ITIH6: variants seen among roughly 807,000 people sequenced by gnomAD.
ITIH6 encodes inter-alpha-trypsin inhibitor heavy chain H6.
ITIH6 carries 60 observed loss-of-function variants against 58.2 expected under a neutral mutation model. The ratio of observed to expected loss-of-function variants is 1.03; its 90% CI spans 0.84 to 1.28. ITIH6 has a LOEUF of 1.28. Ranked by LOEUF, ITIH6 falls within the 50% of genes most tolerant of loss-of-function variation. The pLI, the probability that ITIH6 is intolerant of heterozygous loss-of-function variation, is 0.00. For missense variants in ITIH6, 1,290 were observed against 1,021.1 expected, an observed-to-expected ratio of 1.26 and a Z score of -3.59; for synonymous variants, 493 against 417.4, an observed-to-expected ratio of 1.18 and a Z score of -2.21.
At chrX:54,786,110 C>T in intron 5 of ITIH6, among the ~76,000 whole-genome samples, 1 of 112,131 alleles carries the variant, frequency 8.9e-6, no homozygotes, top group Non-Finnish European at 1.9e-5. Flanking sequence ...CCCCACGTGG[C>T]CCTTTTATGC....
At position 54,749,956 on chromosome X, in the gene ITIH6, A is replaced by T. The variant is rs1370000075; in HGVS notation, c.3881T>A (p.Leu1294Gln). Residue 1294 changes from leucine (L) to glutamine (Q), a missense_variant, in exon 13 of 13, where the codon CTG (leucine) becomes CAG (glutamine). Leu to Gln is a moderately radical substitution (Grantham distance 113). Coordinates refer to ENST00000218436, the MANE Select transcript of ITIH6 (RefSeq NM_198510.3). ...RLLPRWASCWLVKRSHVELLL... is the reference protein window; with the variant it reads ...RLLPRWASCWQVKRSHVELLL... ...CAGCTCTACATGAGAGCGCTTCACC[A>T]GCCAGCAGGAAGCCCAGCGGGGCAG... is the stretch of plus-strand genomic sequence containing the variant. 1.7e-6 allele frequency: 2 copies of T among 1,210,008 alleles called. No individual in the cohort carries two copies. Among genetic ancestry groups the T allele is most frequent in the Non-Finnish European group, 2.2e-6 (2 of 895,225 alleles).
chrX:54,782,437 T>A (rs1005527448), intron 5 of ITIH6, among the ~76,000 whole-genome samples: 10 of 110,537 alleles, frequency 9.0e-5, no homozygotes, highest in African/African-American at 3.3e-4. Context: ...TAATAATAAT[T>A]AAATAAAAAT....
rs144721649 is a variant in ITIH6, at chrX:54,774,183, A to C, written c.801T>G (p.Tyr267Ter). Residue 267 changes from tyrosine (Y) to a stop codon, truncating the protein, a stop_gained, in exon 6 of 13, where the codon TAT becomes TAG. Coordinates refer to ENST00000218436, the MANE Select transcript of ITIH6 (RefSeq NM_198510.3). LOFTEE classifies it high-confidence loss of function. ...IIGDVQIYDDYFIHYFAPRGL... is the reference protein window; with the variant it reads ...IIGDVQIYDD ...CTCTGGGGGCAAAGTAGTGAATGAA[A>C]TAGTCATCGTAAATCTGGACCAAAA... is the stretch of plus-strand genomic sequence containing the variant. 42 of 1,073,873 alleles carry C rather than the reference A, an allele frequency of 3.9e-5. 1 individual carries two copies. In the African/African-American group the frequency reaches 7.6e-4, roughly 19 times the overall value. The allele number at this position is 1,073,873 out of a possible 1,213,427, so 88.5% of individuals were successfully genotyped here.
chrX:54,761,883 C>T (rs1224611273), intron 6 of ITIH6, among the ~76,000 whole-genome samples: 1 of 111,781 alleles, frequency 8.9e-6, no homozygotes, highest in East Asian at 2.8e-4. Flanking sequence ...ATGCCTTCAG[C>T]TTTGTTCTTT....
chrX:54,750,886 G>A (rs1028406690), intron 12 of ITIH6, 117 bp downstream of exon 12: 134 of 775,037 alleles, frequency 1.7e-4, no homozygotes, highest in Non-Finnish European at 2.3e-4. Flanking sequence ...AGCTCCCCAA[G>A]GGAAGAGTCT....
At chrX:54,759,670 G>A in intron 7 of ITIH6, 86 bp downstream of exon 7, 1 of 740,936 alleles carries the variant, frequency 1.3e-6, no homozygotes, top group Non-Finnish European at 2.0e-6. Context: ...TGAGAGTTGA[G>A]GAGGATGGGG....
rs769059777 is a variant in ITIH6 at position 54,797,001 on chromosome X, G to A, written c.198C>T (p.Ala66=). 39 of 1,209,351 alleles carry A rather than the reference G, an allele frequency of 3.2e-5. No homozygotes were observed. The South Asian group carries it at 6.9e-4, about 21-fold the overall frequency. Residue 66 remains alanine, a synonymous_variant, in exon 2 of 13, where the codon GCC becomes GCT. Coordinates refer to ENST00000218436, the MANE Select transcript of ITIH6 (RefSeq NM_198510.3). The part of the protein sequence containing the change: ...TSVLFNPHAE[A]HEAIFDLDLP... The stretch of plus-strand genomic sequence containing the variant: ...GATCCAGGTCAAAGATGGCTTCATG[G>A]GCTTCAGCATGTGGATTAAACAGGA...
At chrX:54,764,697 G>A (rs1402732989) in intron 6 of ITIH6, among the ~76,000 whole-genome samples, 1 of 93,563 alleles carries the variant, frequency 1.1e-5, no homozygotes, top group Non-Finnish European at 2.1e-5. Flanking sequence ...CTTTGCTATT[G>A]TGAATAATGC....
chrX:54,750,987 C>A lies in ITIH6; in HGVS notation c.3730+16G>T, dbSNP rs1372463800. 8.9e-7 allele frequency: 1 copy of A among 1,128,872 alleles called. No homozygotes were observed. Among genetic ancestry groups the A allele is most frequent in the Admixed American group, 3.0e-5 (1 of 33,131 alleles). The allele number at this position is 1,128,872 out of a possible 1,213,427, so 93.0% of individuals were successfully genotyped here. A position where few individuals can be genotyped will look rare whatever the true frequency, so the allele number is the denominator to read the frequency against. On this transcript the variant is annotated intron_variant, in intron 12 of 12. Transcript: ENST00000218436. Reference sequence around the variant, plus strand: ...GCTGGTGCTCCCTGGCCCCTCTCAGCCTCAGCTGCACTTACCTATCAGGCC... The same window carrying A: ...GCTGGTGCTCCCTGGCCCCTCTCAGACTCAGCTGCACTTACCTATCAGGCC...
In ITIH6 at chrX:54,758,966, C is replaced by A; in HGVS notation, c.1108G>T (p.Ala370Ser). The change falls in exon 8 of 13, where the codon GCT becomes TCT. Residue 370 changes from alanine to serine, a missense_variant. By Grantham distance (99) the Ala-to-Ser change is moderately conservative (BLOSUM62 1). Transcript: ENST00000218436. Reference protein sequence around the residue: ...TDVNSALLAAASVLNHSNQEP... With the variant: ...TDVNSALLAASSVLNHSNQEP... ...TGGTTGCTATGGTTCAGCACTGAAG[C>A]AGCTGCCAGCAGAGCTGAGTTGACG... The A allele has an allele frequency of 2.5e-6, 3 of 1,177,218 alleles. 1 individual carries two copies. The South Asian group carries it at 5.8e-5, about 23-fold the overall frequency.
chrX:54,755,514 G>A (rs1039528159), intron 8 of ITIH6, among the ~76,000 whole-genome samples: 3 of 111,273 alleles, frequency 2.7e-5, no homozygotes, highest in African/African-American at 9.8e-5. Context: ...GAGTTAAACA[G>A]AGACCTGAAG....
At position 54,757,004 on chromosome X, in the gene ITIH6, G is replaced by C. The variant is rs1602050867; in HGVS notation, c.3070C>G (p.Pro1024Ala). The C allele has an allele frequency of 8.3e-7, 1 of 1,202,272 alleles. No homozygotes were observed. The highest frequency in any genetic ancestry group is 3.0e-5 in the East Asian group (1 of 33,679). The change falls in exon 8 of 13, where the codon CCA becomes GCA. Residue 1024 changes from proline (P) to alanine (A), a missense_variant. Physicochemically the swap from Pro to Ala is conservative, Grantham distance 27. Coordinates refer to ENST00000218436, the MANE Select transcript of ITIH6 (RefSeq NM_198510.3). ...VESKFVESLN[P>A]PAFYTFLTPD... is the part of the protein sequence containing the mutation. ...GTGAGGAAGGTATAGAAAGCTGGTG[G>C]GTTCAAGGACTCCACGAACTTGGAT...
intron 6 of ITIH6, among the ~76,000 whole-genome samples, chrX:54,766,142 C>T (rs920130843): frequency 9.0e-6 from 1 of 110,745 alleles, no homozygotes; most frequent in Non-Finnish European, 1.9e-5. Flanking sequence ...GTATTTCATT[C>T]TCTTTGAAGC....
intron 5 of ITIH6, among the ~76,000 whole-genome samples, chrX:54,783,836 T>A (rs1359425296): frequency 1.8e-5 from 2 of 111,416 alleles, no homozygotes; most frequent in Non-Finnish European, 3.8e-5. Context: ...GAAAAAACAA[T>A]CCTAAAATCT....
chrX:54,793,063 C>T (rs1929376895), intron 2 of ITIH6, among the ~76,000 whole-genome samples: 1 of 111,403 alleles, frequency 9.0e-6, no homozygotes, highest in Non-Finnish European at 1.9e-5. Flanking sequence ...CATTTATATA[C>T]AGATGCCTCC....
chrX:54,751,194 G>T lies in ITIH6; in HGVS notation c.3539C>A (p.Ala1180Asp), dbSNP rs1361695203. 1 of 1,211,777 alleles carries T rather than the reference G, an allele frequency of 8.3e-7. No homozygotes were observed. The highest frequency in any genetic ancestry group is 1.8e-5 in the South Asian group (1 of 56,974). Reference sequence around the variant, plus strand: ...CTCCAGCTGGGGCCTCTTCAGCAGGGCAGGTTGGTCCCAGGACAGGCGCAA... The same window carrying T: ...CTCCAGCTGGGGCCTCTTCAGCAGGTCAGGTTGGTCCCAGGACAGGCGCAA... ...GTLRLSWDQPALLKRPQLELY... is the reference protein window; with the variant it reads ...GTLRLSWDQPDLLKRPQLELY... Residue 1180 changes from alanine to aspartate, a missense_variant, in exon 12 of 13, where the codon GCC becomes GAC. Transcript: ENST00000218436.
At chrX:54,792,088 T>A (rs1488732119) in intron 2 of ITIH6, 52 bp from the exon 3 acceptor site, 28 of 899,638 alleles carry the variant, frequency 3.1e-5, no homozygotes, top group Non-Finnish European at 4.2e-5. Flanking sequence ...AATAAAGAGT[T>A]GGTCAGAGAC....
intron 6 of ITIH6, among the ~76,000 whole-genome samples, chrX:54,764,256 A>T (rs1360613207): frequency 9.2e-6 from 1 of 109,222 alleles, no homozygotes; most frequent in Non-Finnish European, 1.9e-5. Context: ...TTCTTTTAAA[A>T]TTCTTTTTTT....
At chrX:54,792,184 A>G in intron 2 of ITIH6, 148 bp from the exon 3 acceptor site, 1 of 412,838 alleles carries the variant, frequency 2.4e-6, no homozygotes, top group African/African-American at 2.5e-5. Flanking sequence ...CCCCAGTGTG[A>G]GCGGCAAGAA....
Sources: gnomAD v4.1 joint callset for allele counts (sites outside exome capture counted in the v4.1 genomes callset) on GRCh38, gnomAD v4.1.1 for gene constraint, MANE v1.5 for transcripts, NCBI Gene and HGNC (gene_info 2026-07-23, HGNC 2026-07-21) for gene names.